Variants in IL1RAPL1 observed in about 807,000 individuals in gnomAD.
IL1RAPL1 encodes interleukin-1 receptor accessory protein-like 1.
IL1RAPL1 carries 3 observed loss-of-function variants against 48.4 expected under a neutral mutation model. The observed-to-expected ratio is 0.06, with a 90% CI of 0.03 to 0.16. The LOEUF (loss-of-function observed/expected upper bound fraction) is 0.16, where lower values mean the gene tolerates loss of function less well. Among genes scored for constraint, IL1RAPL1 ranks in the 10% least tolerant of loss-of-function variants. IL1RAPL1 has a pLI of 1.00. For missense variants in IL1RAPL1, 349 were observed against 530.6 expected (o/e 0.66, Z 3.36); for synonymous variants, 185 against 187.7 (o/e 0.99, Z 0.12).
At chrX:29,150,556 C>T (rs1055112402) in intron 2 of IL1RAPL1, among the ~76,000 whole-genome samples, 4 of 110,957 alleles carry the variant, frequency 3.6e-5, no homozygotes, top group Non-Finnish European at 7.5e-5. Context: ...TGGTTATGAA[C>T]ATCTGAGGGT....
At chrX:29,711,144 G>T (rs1927342013) in intron 6 of IL1RAPL1, among the ~76,000 whole-genome samples, 1 of 96,971 alleles carries the variant, frequency 1.0e-5, no homozygotes, top group African/African-American at 3.8e-5. Context: ...TATTTTTTAG[G>T]TTTAAACTTC....
chrX:28,624,343 A>G (rs1255221479), intron 1 of IL1RAPL1, among the ~76,000 whole-genome samples: 1 of 111,738 alleles, frequency 8.9e-6, no homozygotes, highest in Non-Finnish European at 1.9e-5. Context: ...CTTATGTCCC[A>G]CAGCATTACT....
intron 1 of IL1RAPL1, among the ~76,000 whole-genome samples, chrX:28,762,817 CACACACAGAG>C (rs1243120882): frequency 1.4e-4 from 6 of 42,040 alleles, no homozygotes; most frequent in Admixed American, 4.3e-4. Flanking sequence ...CACACACACA[CACACACAGAG>C]AGAGAGAGAG....
chrX:28,966,159 C>G (rs1374023068), intron 2 of IL1RAPL1, among the ~76,000 whole-genome samples: 1 of 111,824 alleles, frequency 8.9e-6, no homozygotes, highest in East Asian at 2.8e-4. Context: ...TTAGAATAAG[C>G]CAATCTTTAG....
chrX:28,804,269 G>A (rs1246625606), intron 2 of IL1RAPL1, among the ~76,000 whole-genome samples: 1 of 111,153 alleles, frequency 9.0e-6, no homozygotes. Flanking sequence ...TGAATTCTCT[G>A]GGGGATTAAA....
At chrX:28,876,834 C>T (rs1227087850) in intron 2 of IL1RAPL1, among the ~76,000 whole-genome samples, 1 of 110,873 alleles carries the variant, frequency 9.0e-6, no homozygotes. Flanking sequence ...TAATTATTCT[C>T]TCTGTCCTTT....
chrX:28,706,954 G>A (rs189211828), intron 1 of IL1RAPL1, among the ~76,000 whole-genome samples: 22 of 111,838 alleles, frequency 2.0e-4, no homozygotes, highest in East Asian at 2.8e-4. Context: ...TAAATAATTC[G>A]CTCATCTAAA....
intron 2 of IL1RAPL1, among the ~76,000 whole-genome samples, chrX:28,979,805 A>C (rs1018405155): frequency 2.1e-4 from 23 of 112,172 alleles, no homozygotes; most frequent in African/African-American, 7.4e-4. Context: ...ATTCTGGGGA[A>C]AAAATGCAGT....
intron 5 of IL1RAPL1, among the ~76,000 whole-genome samples, chrX:29,666,641 G>A (rs1438365903): frequency 9.1e-6 from 1 of 109,720 alleles, no homozygotes; most frequent in Non-Finnish European, 1.9e-5. Flanking sequence ...CCACAAAACC[G>A]TTTTGTATTT....
chrX:29,895,902 C>T (rs1437980952), intron 6 of IL1RAPL1, among the ~76,000 whole-genome samples: 1 of 111,223 alleles, frequency 9.0e-6, no homozygotes, highest in Non-Finnish European at 1.9e-5. Flanking sequence ...GTAGGTAAGC[C>T]CATTCTTGCA....
At chrX:29,380,385 G>A (rs762231460) in intron 3 of IL1RAPL1, among the ~76,000 whole-genome samples, 2 of 111,620 alleles carry the variant, frequency 1.8e-5, no homozygotes, top group East Asian at 2.8e-4. Flanking sequence ...GCGTCACCAC[G>A]CCCTGCTAAT....
intron 2 of IL1RAPL1, among the ~76,000 whole-genome samples, chrX:29,081,157 G>A (rs147153710): frequency 1.9e-5 from 2 of 104,558 alleles, no homozygotes; most frequent in East Asian, 5.9e-4. Flanking sequence ...GGGTTCAAGC[G>A]ATTCTCCTGC....
At chrX:29,666,203 C>T (rs1359463876) in intron 5 of IL1RAPL1, among the ~76,000 whole-genome samples, 8 of 111,164 alleles carry the variant, frequency 7.2e-5, no homozygotes, top group Admixed American at 1.9e-4. Flanking sequence ...AAAGATATTC[C>T]AAACCCTGTA....
At chrX:29,387,992 G>GAA (rs760298187) in intron 3 of IL1RAPL1, among the ~76,000 whole-genome samples, 2 of 80,207 alleles carry the variant, frequency 2.5e-5, no homozygotes, top group East Asian at 7.8e-4. Context: ...GACTCTGTCT[G>GAA]AAAAAAAAAA....
chrX:29,465,522 T>G (rs774384296), intron 5 of IL1RAPL1, among the ~76,000 whole-genome samples: 1 of 112,057 alleles, frequency 8.9e-6, no homozygotes, highest in South Asian at 3.8e-4. Flanking sequence ...AACTATAAAC[T>G]GATGGTTCCC....
At chrX:28,652,510 AG>A (rs1203974009) in intron 1 of IL1RAPL1, among the ~76,000 whole-genome samples, 1 of 111,617 alleles carries the variant, frequency 9.0e-6, no homozygotes. Context: ...CGTTCTTTTC[AG>A]GAGTCTGATT....
chrX:29,567,026 G>T (rs1215222013), intron 5 of IL1RAPL1, among the ~76,000 whole-genome samples: 2 of 110,772 alleles, frequency 1.8e-5, no homozygotes, highest in African/African-American at 6.5e-5. Context: ...TTAATAAAGA[G>T]AATAAAAAGA....
intron 2 of IL1RAPL1, among the ~76,000 whole-genome samples, chrX:29,191,021 G>T (rs377083705): frequency 9.0e-6 from 1 of 110,919 alleles, no homozygotes; most frequent in Non-Finnish European, 1.9e-5. Flanking sequence ...TCTGAAATGC[G>T]CATATATTTC....
chrX:28,602,104 CAAA>C (rs1168499677), intron 1 of IL1RAPL1, among the ~76,000 whole-genome samples: 2 of 38,227 alleles, frequency 5.2e-5, no homozygotes, highest in African/African-American at 9.4e-5. Flanking sequence ...GACTCCATCT[CAAA>C]AAAAAAAAAA....
Sources: allele counts gnomAD v4.1 joint callset (sites outside exome capture counted in the v4.1 genomes callset), GRCh38; gene constraint gnomAD v4.1.1; transcripts MANE v1.5; gene names NCBI Gene and HGNC (gene_info 2026-07-23, HGNC 2026-07-21).